DBNDD2: variants seen among roughly 807,000 people sequenced by gnomAD.
DBNDD2 encodes dysbindin domain containing 2, also known as dysbindin domain-containing protein 2.
In DBNDD2, 8 loss-of-function variants were observed where a neutral mutation model predicts 14.0. The ratio of observed to expected loss-of-function variants is 0.57; its 90% confidence interval spans 0.33 to 1.03. The LOEUF (loss-of-function observed/expected upper bound fraction) is 1.03, where lower values mean the gene tolerates loss of function less well. Among genes scored for constraint, DBNDD2 ranks in the 50% least tolerant of loss-of-function variants. DBNDD2 has a pLI of 0.03. For synonymous variants in DBNDD2, 94 were observed against 85.3 expected (o/e 1.10, Z -0.56); for missense variants, 194 against 206.0 (o/e 0.94, Z 0.36).
At chr20:45,407,880 G>A, upstream of DBNDD2, 1 of 1,193,092 alleles carries the variant, frequency 8.4e-7, no homozygotes, top group Non-Finnish European at 1.0e-6. Flanking sequence ...TGACTTCAGA[G>A]CAAGGGTTTG....
upstream of DBNDD2, chr20:45,408,128 C>G: frequency 1.3e-6 from 2 of 1,517,730 alleles, no homozygotes; most frequent in South Asian, 2.5e-5. Flanking sequence ...TTGTGCTGAA[C>G]CAATCCCTCC....
upstream of DBNDD2, chr20:45,407,324 C>T (rs6104142): frequency 1.0e-6 from 1 of 985,786 alleles, no homozygotes; most frequent in Admixed American, 6.1e-5. Context: ...GTGGCCCTGC[C>T]TTGGCCAGTC....
At chr20:45,406,539 C>A (rs1568935249), upstream of DBNDD2, 4 of 1,516,304 alleles carry the variant, frequency 2.6e-6, no homozygotes, top group East Asian at 5.6e-5. Context: ...GAGCTGCGAG[C>A]GAGTGAGCCC....
upstream of DBNDD2, chr20:45,406,727 C>G (rs1383793573): frequency 3.1e-6 from 4 of 1,282,814 alleles, no homozygotes; most frequent in East Asian, 9.8e-5. Context: ...GGCGCCAGCG[C>G]TGCAGGTAGG....
upstream of DBNDD2, chr20:45,408,051 A>G: frequency 1.4e-6 from 2 of 1,460,300 alleles, no homozygotes; most frequent in Non-Finnish European, 1.8e-6. Context: ...CTCTGTCTCT[A>G]TCCTATCCTG....
intron 2 of DBNDD2, 78 bp from the exon 3 acceptor site, chr20:45,409,854 A>T: frequency 1.4e-6 from 2 of 1,447,910 alleles, no homozygotes; most frequent in Non-Finnish European, 1.9e-6. Context: ...TGTGGACTTT[A>T]GTTACTCCTG....
chr20:45,406,605 G>A (rs989158597), upstream of DBNDD2: 1 of 1,433,632 alleles, frequency 7.0e-7, no homozygotes, highest in Non-Finnish European at 9.2e-7. Flanking sequence ...CCGGCTCCCA[G>A]GGCCCGTCGG....
Position 45,408,405 on chromosome 20 carries a change from C to T in DBNDD2, c.-63C>T. ...GTGGGGCGCCCCAAGCCCAGGTCCC[C>T]TCTGTCTTCTCTTTCGACTTTGCAG... On this transcript the variant is annotated 5_prime_UTR_variant, in exon 1 of 3. Transcript: ENST00000372710. The T allele has an allele frequency of 6.2e-7, 1 of 1,614,086 alleles. No individual in the cohort carries two copies. The highest frequency in any genetic ancestry group is 8.5e-7 in the Non-Finnish European group (1 of 1,180,046).
At chr20:45,409,559 T>C (rs550893363) in intron 2 of DBNDD2, among the ~76,000 whole-genome samples, 1 of 152,364 alleles carries the variant, frequency 6.6e-6, no homozygotes, top group Non-Finnish European at 1.5e-5. Flanking sequence ...AGACATTTTA[T>C]AAGCATTCTT....
At position 45,409,974 on chromosome 20, in the gene DBNDD2, C is replaced by T. The variant is rs1989753986; in HGVS notation, c.320C>T (p.Thr107Ile). 1.3e-6 allele frequency: 2 copies of T among 1,551,738 alleles called. No homozygotes were observed. The highest frequency in any genetic ancestry group is 1.7e-6 in the Non-Finnish European group (2 of 1,147,040). ...HLEELSLPVP[T>I]SDRTTSRTSS... The stretch of plus-strand genomic sequence containing the variant: ...GAGGAGCTGAGCCTGCCGGTGCCTA[C>T]ATCAGACAGGACCACATCTAGGACC... The change falls in exon 3 of 3, where the codon ACA (threonine) becomes ATA (isoleucine). Residue 107 changes from threonine to isoleucine, a missense_variant. Thr to Ile is a moderately conservative substitution (Grantham distance 89). Coordinates refer to ENST00000372710, the MANE Select transcript of DBNDD2 (RefSeq NM_001048225.4).
chr20:45,406,538 G>C (rs1464121093), upstream of DBNDD2: 4 of 1,518,764 alleles, frequency 2.6e-6, no homozygotes, highest in Middle Eastern at 3.4e-4. Flanking sequence ...CGAGCTGCGA[G>C]CGAGTGAGCC....
intron 2 of DBNDD2, among the ~76,000 whole-genome samples, chr20:45,409,582 C>G (rs1989720905): frequency 6.6e-6 from 1 of 152,160 alleles, no homozygotes; most frequent in Admixed American, 6.5e-5. Context: ...GTTTTATTCC[C>G]AAAACCCTTT....
upstream of DBNDD2, chr20:45,406,702 G>C (rs1989420717): frequency 2.3e-6 from 3 of 1,322,046 alleles, no homozygotes; most frequent in South Asian, 2.1e-5. Context: ...GGAGCGGACG[G>C]ACTGAGTCAG....
At chr20:45,409,530 A>G (rs1041148329) in intron 2 of DBNDD2, among the ~76,000 whole-genome samples, 4 of 152,234 alleles carry the variant, frequency 2.6e-5, no homozygotes, top group African/African-American at 9.6e-5. Context: ...GCTACTATTT[A>G]TTGATGGCTT....
At chr20:45,406,561 T>C (rs896864909), upstream of DBNDD2, 2 of 1,476,224 alleles carry the variant, frequency 1.4e-6, no homozygotes, top group Admixed American at 2.2e-5. Flanking sequence ...CCACCGCCCC[T>C]CCCCCACTTC....
At chr20:45,406,725 C>G, upstream of DBNDD2, 1 of 1,284,966 alleles carries the variant, frequency 7.8e-7, no homozygotes, top group South Asian at 2.6e-5. Context: ...GGGGCGCCAG[C>G]GCTGCAGGTA....
rs374571359 is a variant in DBNDD2 at position 45,408,599 on chromosome 20, G to A, written c.132G>A (p.Ser44=). 25 of 1,612,810 alleles carry A rather than the reference G, an allele frequency of 1.6e-5. No homozygotes were observed. The highest frequency in any genetic ancestry group is 2.2e-5 in the East Asian group (1 of 44,870). The change falls in exon 1 of 3, where the codon TCG becomes TCA. Residue 44 remains serine, a synonymous_variant. Transcript: ENST00000372710. ...VFPLSHLHLE[S]QRPPIGSISS... The stretch of plus-strand genomic sequence containing the variant: ...CTCTGTCCCATCTGCATCTCGAGTC[G>A]CAGAGACGTAAGTCCCAAGTCCTGA...
At position 45,408,491 on chromosome 20, in the gene DBNDD2, C is replaced by T; in HGVS notation, c.24C>T (p.Ala8=). 3.1e-6 allele frequency: 5 copies of T among 1,614,272 alleles called. No individual in the cohort carries two copies. Among genetic ancestry groups the T allele is most frequent in the East Asian group, 2.2e-5 (1 of 44,888 alleles). MDPNPRA[A]LERQQLRLRE... Reference sequence around the variant, plus strand: ...ACATGGACCCAAATCCTCGGGCCGCCCTGGAGCGCCAGCAGCTCCGCCTTC... The same window carrying T: ...ACATGGACCCAAATCCTCGGGCCGCTCTGGAGCGCCAGCAGCTCCGCCTTC... The change falls in exon 1 of 3, where the codon GCC becomes GCT. Residue 8 remains alanine (A), a synonymous_variant. Coordinates refer to ENST00000372710, the MANE Select transcript of DBNDD2 (RefSeq NM_001048225.4).
chr20:45,406,744 G>C (rs963107843), upstream of DBNDD2: 1 of 1,267,212 alleles, frequency 7.9e-7, no homozygotes, highest in Non-Finnish European at 9.9e-7. Flanking sequence ...TAGGGGCTCC[G>C]GCGGCGGTGG....
Sources: allele counts gnomAD v4.1 joint callset (sites outside exome capture counted in the v4.1 genomes callset), GRCh38; gene constraint gnomAD v4.1.1; transcripts MANE v1.5; gene names NCBI Gene and HGNC (gene_info 2026-07-23, HGNC 2026-07-21).